The following SUMF1 variants were observed in gnomAD, a reference collection of about 807,000 sequenced individuals.
SUMF1 encodes formylglycine-generating enzyme.
In SUMF1, 48 loss-of-function variants were observed where a neutral mutation model predicts 47.6. That is an observed-to-expected ratio of 1.01 (90% CI 0.80 to 1.28). The LOEUF (loss-of-function observed/expected upper bound fraction) is 1.28. SUMF1 is among the 50% of genes most tolerant of loss of function. The probability of loss-of-function intolerance (pLI) is 0.00; values close to 1 mark genes in which losing one functional copy is unlikely to be tolerated. For missense variants in SUMF1, 571 were observed against 485.4 expected (o/e 1.18, Z -1.66); for synonymous variants, 230 against 192.1 (o/e 1.20, Z -1.63).
chr3:4,255,138 C>T (rs1207150626), intron 8 of SUMF1, among the ~76,000 whole-genome samples: 3 of 150,088 alleles, frequency 2.0e-5, no homozygotes, highest in Non-Finnish European at 4.5e-5. Flanking sequence ...AAGGAACAAT[C>T]GGTACCAGCC....
At chr3:4,238,179 T>C (rs1002768630) in intron 8 of SUMF1, among the ~76,000 whole-genome samples, 8 of 152,156 alleles carry the variant, frequency 5.3e-5, no homozygotes, top group South Asian at 2.1e-4. Context: ...CAGTCTATCA[T>C]TGATGGGCAT....
At chr3:4,101,282 A>G (rs1259405434) in intron 8 of SUMF1, among the ~76,000 whole-genome samples, 1 of 152,174 alleles carries the variant, frequency 6.6e-6, no homozygotes, top group Non-Finnish European at 1.5e-5. Flanking sequence ...AATGTGGTAT[A>G]TACACACAAT....
At chr3:4,114,263 T>C (rs17039927) in intron 8 of SUMF1, among the ~76,000 whole-genome samples, 117 of 152,188 alleles carry the variant, frequency 7.7e-4, no homozygotes, top group Admixed American at 2.7e-3. Flanking sequence ...CAGAGTTTGC[T>C]ATGGCAGAAT....
intron 8 of SUMF1, among the ~76,000 whole-genome samples, chr3:4,319,335 G>T (rs1350729297): frequency 6.6e-6 from 1 of 152,236 alleles, no homozygotes; most frequent in East Asian, 1.9e-4. Flanking sequence ...TGCCATGAAA[G>T]AAGTATTTCA....
intron 8 of SUMF1, among the ~76,000 whole-genome samples, chr3:4,086,254 G>T (rs1169066757): frequency 6.6e-6 from 1 of 151,266 alleles, no homozygotes; most frequent in Non-Finnish European, 1.5e-5. Context: ...TTAAACTGGG[G>T]TAAACTAAAA....
At chr3:4,167,989 C>T (rs954156915) in intron 8 of SUMF1, among the ~76,000 whole-genome samples, 2 of 152,150 alleles carry the variant, frequency 1.3e-5, no homozygotes, top group African/African-American at 4.8e-5. Flanking sequence ...TAGTCTTATC[C>T]AGTTCTGTCC....
chr3:4,466,593 T>G (rs575673079), intron 1 of SUMF1, among the ~76,000 whole-genome samples: 1 of 152,288 alleles, frequency 6.6e-6, no homozygotes, highest in African/African-American at 2.4e-5. Context: ...AGACTACAGA[T>G]AAGTATACAA....
chr3:4,366,536 G>A (rs7373124), intron 8 of SUMF1, among the ~76,000 whole-genome samples: 61,128 of 145,926 alleles, frequency 0.42, 14,282 homozygotes, highest in East Asian at 0.6. Context: ...TATTCTTCAC[G>A]TAGTTCTCGA....
chr3:4,263,371 G>T (rs1052985552), intron 8 of SUMF1, among the ~76,000 whole-genome samples: 1 of 152,180 alleles, frequency 6.6e-6, no homozygotes, highest in Non-Finnish European at 1.5e-5. Context: ...GTAAAGGTGT[G>T]TGATGTTTTC....
chr3:4,393,656 A>G (rs1259896821), intron 7 of SUMF1, among the ~76,000 whole-genome samples: 1 of 151,082 alleles, frequency 6.6e-6, no homozygotes, highest in African/African-American at 2.4e-5. Context: ...TTTATTTATT[A>G]TTATTATTAT....
intron 8 of SUMF1, among the ~76,000 whole-genome samples, chr3:4,106,328 C>T (rs998242023): frequency 2.0e-5 from 3 of 152,042 alleles, no homozygotes; most frequent in Non-Finnish European, 2.9e-5. Flanking sequence ...GATATTTCTA[C>T]TTCTTTTTTC....
chr3:4,237,005 T>C (rs1184257201), intron 8 of SUMF1, among the ~76,000 whole-genome samples: 2 of 152,274 alleles, frequency 1.3e-5, no homozygotes, highest in East Asian at 1.9e-4. Context: ...TATACCCTTT[T>C]TAAATTGGCT....
At position 4,361,151 on chromosome 3, in the gene SUMF1, T is replaced by C. The variant is rs1030809270; in HGVS notation, c.*993A>G. The C allele has an allele frequency of 1.3e-5, 2 of 152,352 alleles. No individual in the cohort carries two copies. Among genetic ancestry groups the C allele is most frequent in the African/African-American group, 4.8e-5 (2 of 41,464 alleles). The allele number at this position is 152,352 out of a possible 1,614,324, so 9.4% of individuals were successfully genotyped here. A position where few individuals can be genotyped will look rare whatever the true frequency, so the allele number is the denominator to read the frequency against. ...AGAAGCTGATGACGGTGAAGCCTGATTTAGCAGATACGTTTATTCAACACA... is the reference window on the plus strand; with the variant it reads ...AGAAGCTGATGACGGTGAAGCCTGACTTAGCAGATACGTTTATTCAACACA... On this transcript the variant is annotated 3_prime_UTR_variant, in exon 9 of 9. Coordinates refer to ENST00000272902, the MANE Select transcript of SUMF1 (RefSeq NM_182760.4).
At chr3:4,445,834 C>T (rs1702762449) in intron 3 of SUMF1, among the ~76,000 whole-genome samples, 2 of 152,080 alleles carry the variant, frequency 1.3e-5, no homozygotes, top group Non-Finnish European at 2.9e-5. Flanking sequence ...GCTGTGAAAC[C>T]GTACTATAGT....
At chr3:4,167,913 A>G (rs1694746361) in intron 8 of SUMF1, among the ~76,000 whole-genome samples, 1 of 152,332 alleles carries the variant, frequency 6.6e-6, no homozygotes, top group African/African-American at 2.4e-5. Flanking sequence ...TAAAGCAGGC[A>G]TCTCTTTGTC....
chr3:4,416,178 A>G (rs1050720150), intron 6 of SUMF1, among the ~76,000 whole-genome samples: 2 of 152,180 alleles, frequency 1.3e-5, no homozygotes, highest in African/African-American at 2.4e-5. Context: ...GTTTGGCCAT[A>G]TATCTGAAAC....
At chr3:4,074,464 G>A (rs1692370095) in intron 8 of SUMF1, among the ~76,000 whole-genome samples, 1 of 152,032 alleles carries the variant, frequency 6.6e-6, no homozygotes, top group African/African-American at 2.4e-5. Flanking sequence ...TCAAAAGCTA[G>A]CAGAAGGCAA....
chr3:4,047,860 A>T (rs552070439), intron 9 of SUMF1, among the ~76,000 whole-genome samples: 63 of 152,132 alleles, frequency 4.1e-4, no homozygotes, highest in Non-Finnish European at 8.8e-4. Flanking sequence ...GTTGCCAATT[A>T]TATGGAGCAT....
chr3:4,388,587 GTCTGTCA>G (rs1700747714), intron 7 of SUMF1, among the ~76,000 whole-genome samples: 1 of 151,826 alleles, frequency 6.6e-6, no homozygotes, highest in Non-Finnish European at 1.5e-5. Flanking sequence ...AAAGACTTAA[GTCTGTCA>G]TTTTATTTTT....
Sources: gnomAD v4.1 joint callset for allele counts (sites outside exome capture counted in the v4.1 genomes callset) on GRCh38, gnomAD v4.1.1 for gene constraint, MANE v1.5 for transcripts, NCBI Gene and HGNC (gene_info 2026-07-23, HGNC 2026-07-21) for gene names.